ARHGEF33: variants seen among roughly 807,000 people sequenced by gnomAD.
ARHGEF33 encodes the protein DH and coiled-coil domain-containing protein ENSP00000381780.
Under a neutral mutation model 101.9 loss-of-function variants are expected in ARHGEF33, and 72 were observed. That is an observed-to-expected ratio of 0.71 (90% confidence interval 0.58 to 0.86). The LOEUF is 0.86. Among genes scored for constraint, ARHGEF33 ranks in the 40% least tolerant of loss-of-function variants. The pLI, the probability that ARHGEF33 is intolerant of heterozygous loss-of-function variation, is 0.00. For synonymous variants in ARHGEF33, 499 were observed against 442.5 expected, an observed-to-expected ratio of 1.13 and a Z score of -1.60; for missense variants, 1,169 against 1,111.3, an observed-to-expected ratio of 1.05 and a Z score of -0.74.
chr2:38,930,038 A>G (rs1666960765), intron 6 of ARHGEF33, among the ~76,000 whole-genome samples: 1 of 152,248 alleles, frequency 6.6e-6, no homozygotes, highest in Admixed American at 6.5e-5. Context: ...ATTTAATACG[A>G]TATGTAAAAT....
At chr2:38,916,754 G>A (rs1055576638) in intron 2 of ARHGEF33, among the ~76,000 whole-genome samples, 41 of 151,280 alleles carry the variant, frequency 2.7e-4, no homozygotes, top group Non-Finnish European at 5.9e-4. Flanking sequence ...TGTGAATAAA[G>A]GTCTTTTTCT....
intron 5 of ARHGEF33, 46 bp from the exon 6 acceptor site, chr2:38,929,663 T>C: frequency 2.0e-6 from 3 of 1,515,538 alleles, no homozygotes; most frequent in South Asian, 2.4e-5. Context: ...GTTATATACT[T>C]TTACCCCATG....
chr2:38,913,367 C>T (rs1477197778), intron 2 of ARHGEF33, among the ~76,000 whole-genome samples: 1 of 152,122 alleles, frequency 6.6e-6, no homozygotes, highest in African/African-American at 2.4e-5. Context: ...TTTTAAAGAA[C>T]TGATAATTCC....
chr2:38,913,104 C>T, intron 2 of ARHGEF33, among the ~76,000 whole-genome samples: 1 of 151,180 alleles, frequency 6.6e-6, no homozygotes, highest in Admixed American at 6.6e-5. Flanking sequence ...TAGTGCAATC[C>T]TGTCTCACTG....
At chr2:38,948,000 G>A (rs189137223) in intron 10 of ARHGEF33, among the ~76,000 whole-genome samples, 1 of 152,030 alleles carries the variant, frequency 6.6e-6, no homozygotes, top group African/African-American at 2.4e-5. Flanking sequence ...TTCCCTCATT[G>A]ATTAAGTACT....
rs1263026203 is a variant in ARHGEF33, at chr2:38,931,158, C to T, written c.412C>T (p.Gln138Ter). 1 of 1,551,490 alleles carries T rather than the reference C, an allele frequency of 6.4e-7. No homozygotes were observed. ...HSSQAGPAQA[Q>*]GSPFRSINIP... ...CTCACAGGCCGGGCCTGCCCAAGCACAAGGAAGTCCTTTTCGTTCTATCAA... is the reference window on the plus strand; with the variant it reads ...CTCACAGGCCGGGCCTGCCCAAGCATAAGGAAGTCCTTTTCGTTCTATCAA... The change falls in exon 7 of 18, where the codon CAA becomes TAA. Residue 138 changes from glutamine to a stop codon, truncating the protein, a stop_gained. Transcript: ENST00000409978. LOFTEE classifies it high-confidence loss of function.
chr2:38,959,579 C>G (rs910650311), intron 15 of ARHGEF33: 1 of 387,498 alleles, frequency 2.6e-6, no homozygotes, highest in Non-Finnish European at 4.6e-6. Context: ...GGCTTCCACG[C>G]GGGGTGATGA....
In ARHGEF33 at chr2:38,960,250, G is replaced by A; in HGVS notation, c.1945G>A (p.Glu649Lys). The change falls in exon 16 of 18, where the codon GAG (glutamate) becomes AAG (lysine). Residue 649 changes from glutamate to lysine, a missense_variant. Glu to Lys is a moderately conservative substitution (Grantham distance 56). Coordinates refer to ENST00000409978, the MANE Select transcript of ARHGEF33 (RefSeq NM_001145451.5). ...CGAGAACTGCTCGCCTGCCTCCTCCGAGTCCAGCCTGGACATCTGCTTCCT... is the reference window on the plus strand; with the variant it reads ...CGAGAACTGCTCGCCTGCCTCCTCCAAGTCCAGCCTGGACATCTGCTTCCT... ...LFENCSPASS[E>K]SSLDICFLRP... The A allele has an allele frequency of 2.6e-6, 4 of 1,548,148 alleles. No homozygotes were observed. The highest frequency in any genetic ancestry group is 3.5e-6 in the Non-Finnish European group (4 of 1,146,190).
intron 15 of ARHGEF33, among the ~76,000 whole-genome samples, chr2:38,958,466 T>C (rs1165444018): frequency 6.6e-6 from 1 of 152,212 alleles, no homozygotes; most frequent in African/African-American, 2.4e-5. Flanking sequence ...CTTCATCTTC[T>C]TTGAAATGCA....
chr2:38,964,080 G>A (rs1409673469), intron 16 of ARHGEF33, among the ~76,000 whole-genome samples: 4 of 152,132 alleles, frequency 2.6e-5, no homozygotes, highest in Non-Finnish European at 1.5e-5. Context: ...GGGGTGATGG[G>A]TGAGAGTGAC....
chr2:38,926,539 T>A (rs1445458479), intron 4 of ARHGEF33, among the ~76,000 whole-genome samples: 1 of 152,160 alleles, frequency 6.6e-6, no homozygotes, highest in Non-Finnish European at 1.5e-5. Context: ...TACAAAGCAG[T>A]AGCAACGCTT....
chr2:38,968,190 G>T (rs994438703), intron 17 of ARHGEF33, among the ~76,000 whole-genome samples: 7 of 152,112 alleles, frequency 4.6e-5, no homozygotes, highest in African/African-American at 1.7e-4. Flanking sequence ...CAGTGGCTAA[G>T]AGGAAGAATT....
chr2:38,961,175 T>C (rs1667928918), intron 16 of ARHGEF33, among the ~76,000 whole-genome samples: 1 of 152,226 alleles, frequency 6.6e-6, no homozygotes, highest in African/African-American at 2.4e-5. Flanking sequence ...AGGAGGCAAG[T>C]TGCCCTAGCT....
chr2:38,943,732 C>T (rs1016434142), intron 9 of ARHGEF33, among the ~76,000 whole-genome samples, 169 bp from the exon 10 acceptor site: 1 of 152,222 alleles, frequency 6.6e-6, no homozygotes, highest in African/African-American at 2.4e-5. Flanking sequence ...GCCCTTTGCT[C>T]TGCTGAATGA....
At chr2:38,891,898 C>T (rs954032599) in intron 1 of ARHGEF33, among the ~76,000 whole-genome samples, 1 of 152,106 alleles carries the variant, frequency 6.6e-6, no homozygotes, top group African/African-American at 2.4e-5. Context: ...ATTTGTAAAG[C>T]ACTTTGAATG....
chr2:38,919,290 C>A, intron 2 of ARHGEF33, 73 bp from the exon 3 acceptor site: 1 of 662,124 alleles, frequency 1.5e-6, no homozygotes, highest in Non-Finnish European at 2.6e-6. Flanking sequence ...AATTTTTTTA[C>A]TAATGTAAGA....
Position 38,960,141 on chromosome 2 carries a change from C to G in ARHGEF33, c.1836C>G (p.Ala612=). The change falls in exon 16 of 18, where the codon GCC becomes GCG. Residue 612 remains alanine, a synonymous_variant. Transcript: ENST00000409978. ...LPDARGFVPA[A]YEEFEYGGEI... ...ATGCCCGCGGCTTCGTGCCCGCGGCCTACGAAGAGTTCGAGTACGGCGGCG... is the reference window on the plus strand; with the variant it reads ...ATGCCCGCGGCTTCGTGCCCGCGGCGTACGAAGAGTTCGAGTACGGCGGCG... 6.5e-7 allele frequency: 1 copy of G among 1,542,982 alleles called. No individual in the cohort carries two copies. The highest frequency in any genetic ancestry group is 1.7e-4 in the Middle Eastern group (1 of 5,976).
At chr2:38,910,479 A>G (rs1666485597) in intron 2 of ARHGEF33, among the ~76,000 whole-genome samples, 1 of 152,180 alleles carries the variant, frequency 6.6e-6, no homozygotes. Context: ...AGGCTGAGGC[A>G]GAATTGCTTG....
At chr2:38,941,390 G>A (rs1238247906) in intron 9 of ARHGEF33, among the ~76,000 whole-genome samples, 1 of 152,106 alleles carries the variant, frequency 6.6e-6, no homozygotes, top group African/African-American at 2.4e-5. Context: ...TTTGCAAAAT[G>A]CTTTCACATA....
Sources: gnomAD v4.1 joint callset for allele counts (sites outside exome capture counted in the v4.1 genomes callset) on GRCh38, gnomAD v4.1.1 for gene constraint, MANE v1.5 for transcripts, NCBI Gene and HGNC (gene_info 2026-07-23, HGNC 2026-07-21) for gene names.